The following DNAH12 variants were observed in gnomAD, a reference collection of about 807,000 sequenced individuals.
DNAH12 encodes axonemal beta dynein heavy chain 12.
In DNAH12, 285 loss-of-function variants were observed where a neutral mutation model predicts 371.5. The observed-to-expected ratio is 0.77, with a 90% CI of 0.70 to 0.85. DNAH12 has a LOEUF of 0.85. Ranked by LOEUF, DNAH12 falls within the 40% of genes least tolerant of loss-of-function variation. The pLI is 0.00. For missense variants in DNAH12, 3,611 were observed against 3,689.4 expected (o/e 0.98, Z 0.55); for synonymous variants, 1,200 against 1,213.0 (o/e 0.99, Z 0.22).
At chr3:57,478,375 A>T (rs2066611781) in intron 13 of DNAH12, among the ~76,000 whole-genome samples, 1 of 152,220 alleles carries the variant, frequency 6.6e-6, no homozygotes, top group Non-Finnish European at 1.5e-5. Context: ...GTTTAGAGAA[A>T]AAAGAATAAA....
rs978809886 is a variant in DNAH12 at position 57,334,589 on chromosome 3, A to G, written c.9854T>C (p.Ile3285Thr). Residue 3285 changes from isoleucine to threonine, a missense_variant, in exon 62 of 74, where the codon ATA becomes ACA. Around this residue, in one of 3 missense-constraint regions of DNAH12, gnomAD observed 2,266 missense variants for 2,236.9 expected, o/e 1.01. Transcript: ENST00000495027. ...RGLRQHFCEHIYEWREIYDSK... is the reference protein window; with the variant it reads ...RGLRQHFCEHTYEWREIYDSK... Reference sequence around the variant, plus strand: ...GTCATAGATTTCTCGCCATTCATATATATGTTCACAAAAATGTTGCCTAAT... The same window carrying G: ...GTCATAGATTTCTCGCCATTCATATGTATGTTCACAAAAATGTTGCCTAAT... 14 of 1,540,560 alleles carry G rather than the reference A, an allele frequency of 9.1e-6. No individual in the cohort carries two copies. The highest frequency in any genetic ancestry group is 1.4e-5 in the African/African-American group (1 of 72,402).
chr3:57,461,438 G>T, intron 19 of DNAH12, 51 bp downstream of exon 19: 1 of 1,520,044 alleles, frequency 6.6e-7, no homozygotes, highest in Non-Finnish European at 8.9e-7. Context: ...ATATGTAATA[G>T]GATTGCAATC....
chr3:57,403,456 T>A lies in DNAH12; in HGVS notation c.6801A>T (p.Gln2267His). ...CAACAAGCAAAGCATTTCCACCAGA[T>A]TGCTTTAGAACTCGACATATTCTTG... The part of the protein sequence containing the change: ...HLSRICRVLK[Q>H]SGGNALLVGL... Residue 2267 changes from glutamine to histidine, a missense_variant, in exon 43 of 74, where the codon CAA becomes CAT. Transcript: ENST00000495027. 6.4e-7 allele frequency: 1 copy of A among 1,551,366 alleles called. No individual in the cohort carries two copies. Among genetic ancestry groups the A allele is most frequent in the South Asian group, 1.2e-5 (1 of 83,978 alleles).
At chr3:57,531,211 G>T (rs186040206) in intron 2 of DNAH12, among the ~76,000 whole-genome samples, 204 of 152,266 alleles carry the variant, frequency 1.3e-3, no homozygotes, top group Non-Finnish European at 2.6e-3. Flanking sequence ...CAGGTCTGAT[G>T]TTGATGAAAT....
Position 57,405,776 on chromosome 3 carries a change from A to C in DNAH12, c.6453T>G (p.Tyr2151Ter). The change falls in exon 41 of 74, where the codon TAT becomes TAG. Residue 2151 changes from tyrosine to a stop codon, truncating the protein, a stop_gained. Transcript: ENST00000495027. LOFTEE classifies it high-confidence loss of function. ...GATCATCATCATTAATGAGGCGATC[A>C]TAAAACACTCGGAGAACCTCATGCA... is the stretch of plus-strand genomic sequence containing the variant. ...LFVHEVLRVF[Y>*]DRLINDDDRR... 1 of 1,551,712 alleles carries C rather than the reference A, an allele frequency of 6.4e-7. No individual in the cohort carries two copies. Among genetic ancestry groups the C allele is most frequent in the Non-Finnish European group, 8.7e-7 (1 of 1,146,976 alleles).
intron 37 of DNAH12, among the ~76,000 whole-genome samples, chr3:57,418,365 CAAAAAAAAAAAAAA>C (rs57508616): frequency 2.3e-5 from 1 of 42,856 alleles, no homozygotes; most frequent in African/African-American, 8.6e-5. Context: ...CCTGTCTCTA[CAAAAAAAAAAAAAA>C]AAAAAAAAAA....
intron 60 of DNAH12, among the ~76,000 whole-genome samples, chr3:57,346,935 T>TAG (rs573098053): frequency 1.0e-3 from 156 of 152,246 alleles, no homozygotes; most frequent in African/African-American, 1.3e-3. Context: ...ATAATATGAA[T>TAG]AGACCTGTAT....
At chr3:57,411,507 A>G (rs2064200197) in intron 39 of DNAH12, among the ~76,000 whole-genome samples, 1 of 127,600 alleles carries the variant, frequency 7.8e-6, no homozygotes, top group African/African-American at 3.3e-5. Flanking sequence ...AGCCTGGGTG[A>G]CAGAGTGAGA....
At chr3:57,525,756 CTTTTTT>C (rs776184662) in intron 2 of DNAH12, among the ~76,000 whole-genome samples, 3 of 76,270 alleles carry the variant, frequency 3.9e-5, no homozygotes, top group African/African-American at 1.6e-4. Context: ...ATGTCTTATT[CTTTTTT>C]TTTTTTTTTT....
At chr3:57,417,301 A>C (rs2064410351) in intron 37 of DNAH12, among the ~76,000 whole-genome samples, 1 of 152,116 alleles carries the variant, frequency 6.6e-6, no homozygotes. Context: ...GAAACTGAGT[A>C]ATAGCCATAT....
chr3:57,338,899 T>C (rs1234553023), intron 60 of DNAH12, among the ~76,000 whole-genome samples: 1 of 152,148 alleles, frequency 6.6e-6, no homozygotes, highest in Non-Finnish European at 1.5e-5. Context: ...CCATTGAGAA[T>C]GGGCCATGGT....
intron 29 of DNAH12, among the ~76,000 whole-genome samples, chr3:57,438,541 T>C (rs1194268884): frequency 6.6e-6 from 1 of 152,126 alleles, no homozygotes; most frequent in African/African-American, 2.4e-5. Context: ...CTAAAGACTC[T>C]GCCAAAAGGC....
At chr3:57,441,080 T>G (rs1227977143) in intron 29 of DNAH12, among the ~76,000 whole-genome samples, 1 of 151,832 alleles carries the variant, frequency 6.6e-6, no homozygotes, top group African/African-American at 2.4e-5. Context: ...CAAAACAAAC[T>G]CATAGATGAC....
chr3:57,536,934 C>T (rs375356260), intron 2 of DNAH12, among the ~76,000 whole-genome samples: 3 of 152,212 alleles, frequency 2.0e-5, no homozygotes, highest in Non-Finnish European at 4.4e-5. Flanking sequence ...ATAAACAGGC[C>T]GGGTACAGTG....
chr3:57,435,373 C>CA lies in DNAH12; in HGVS notation c.4656-1546dup, dbSNP rs34515598. 4.7e-3 allele frequency among the ~76,000 whole-genome samples: 449 copies of CA among 94,726 alleles called. 22 individuals carry two copies. The East Asian group carries it at 0.1, about 21-fold the overall frequency. The allele number at this position is 94,726 out of a possible 152,430, so 62.1% of individuals were successfully genotyped here. A position where few individuals can be genotyped will look rare whatever the true frequency, so the allele number is the denominator to read the frequency against. ...GGTGATAGACCAAGACTCTGTCTCC[C>CA]AAAAAAAAAAAAAAAAAAAGAATAT... is the stretch of plus-strand genomic sequence containing the variant. On this transcript the variant is annotated intron_variant, in intron 30 of 73. Transcript: ENST00000495027.
At position 57,338,444 on chromosome 3, in the gene DNAH12, A is replaced by G. The variant is rs576459096; in HGVS notation, c.9675-3504T>C. Among the ~76,000 whole-genome samples the G allele has an allele frequency of 4.3e-3, 557 of 129,350 alleles. 4 individuals are homozygous for G. Among genetic ancestry groups the G allele is most frequent in the African/African-American group, 0.016 (532 of 33,244 alleles). 84.9% of individuals were successfully genotyped at this position (129,350 alleles called of 152,430 possible). On this transcript the variant is annotated intron_variant, in intron 60 of 73. Transcript: ENST00000495027. ...GAGCATCTCTGCCTGGCCGCCCATCATCTGGGATGTGGGGAGCGCCTTTGC... is the reference window on the plus strand; with the variant it reads ...GAGCATCTCTGCCTGGCCGCCCATCGTCTGGGATGTGGGGAGCGCCTTTGC...
chr3:57,438,719 G>A (rs187746650), intron 29 of DNAH12, among the ~76,000 whole-genome samples: 293 of 152,058 alleles, frequency 1.9e-3, no homozygotes, highest in African/African-American at 6.7e-3. Context: ...TTGGGAGGCC[G>A]AGGTGGGTGG....
In DNAH12 at chr3:57,368,370, C is replaced by T. The variant is rs968839594; in HGVS notation, c.8760-110G>A. The T allele has an allele frequency of 2.6e-5, 4 of 151,724 alleles. No homozygotes were observed. The East Asian group carries it at 5.8e-4, about 22-fold the overall frequency. 9.4% of individuals were successfully genotyped at this position (151,724 alleles called of 1,614,324 possible). ...CAATCTGTACAAAGTATTTCACATA[C>T]ATTATCAGCATTACTCTTCACAAAA... is the stretch of plus-strand genomic sequence containing the variant. On this transcript the variant is annotated intron_variant, in intron 55 of 73. Coordinates refer to ENST00000495027, the MANE Select transcript of DNAH12 (RefSeq NM_001366028.2).
intron 4 of DNAH12, among the ~76,000 whole-genome samples, chr3:57,512,723 A>G (rs891543772): frequency 6.6e-6 from 1 of 152,178 alleles, no homozygotes; most frequent in African/African-American, 2.4e-5. Flanking sequence ...AATACACCCA[A>G]AGAAATATAA....
Sources: allele counts gnomAD v4.1 joint callset (sites outside exome capture counted in the v4.1 genomes callset), GRCh38; gene constraint gnomAD v4.1.1; regional missense constraint gnomAD v4.1.1; transcripts MANE v1.5; gene names NCBI Gene and HGNC (gene_info 2026-07-23, HGNC 2026-07-21).